RESF1: variants seen among roughly 807,000 people sequenced by gnomAD.
RESF1 encodes retroelement silencing factor 1.
A neutral mutation model predicts 134.7 loss-of-function variants in RESF1; 65 were observed. The ratio of observed to expected loss-of-function variants is 0.48; its 90% CI spans 0.40 to 0.59. The LOEUF (loss-of-function observed/expected upper bound fraction) is 0.59. Ranked by LOEUF, RESF1 falls within the 20% of genes least tolerant of loss-of-function variation. The pLI is 0.00. For missense variants in RESF1, 2,274 were observed against 2,002.7 expected (o/e 1.14, Z -2.59); for synonymous variants, 762 against 702.2 (o/e 1.09, Z -1.35).
At chr12:31,978,579 C>T (rs932309486) in intron 3 of RESF1, among the ~76,000 whole-genome samples, 1 of 151,784 alleles carries the variant, frequency 6.6e-6, no homozygotes, top group Non-Finnish European at 1.5e-5. Flanking sequence ...CGGGCTCTCG[C>T]TCTGTCGCCA....
chr12:31,989,734 A>ACC (rs1940056849), intron 5 of RESF1, among the ~76,000 whole-genome samples: 1 of 152,038 alleles, frequency 6.6e-6, no homozygotes. Flanking sequence ...TGCCTGTAAT[A>ACC]CCAGCTATTC....
intron 3 of RESF1, among the ~76,000 whole-genome samples, chr12:31,974,636 C>T (rs2120809721): frequency 6.6e-6 from 1 of 152,202 alleles, no homozygotes. Flanking sequence ...TCCTTAAAGG[C>T]CCTATCTCCA....
At chr12:31,979,582 G>T (rs1010376947) in intron 3 of RESF1, among the ~76,000 whole-genome samples, 3 of 152,106 alleles carry the variant, frequency 2.0e-5, no homozygotes, top group African/African-American at 7.2e-5. Context: ...CTGTCACCCA[G>T]GCTGGAGTGG....
At chr12:31,965,533 T>C (rs1353384132) in intron 2 of RESF1, among the ~76,000 whole-genome samples, 1 of 152,222 alleles carries the variant, frequency 6.6e-6, no homozygotes, top group Non-Finnish European at 1.5e-5. Flanking sequence ...GCTGCCTTGC[T>C]TGTGTGGTTT....
rs1939777944 is a variant in RESF1, at chr12:31,981,202, G to C, written c.247G>C (p.Val83Leu). ...ISVSDMHNGT[V>L]VASHTSVERI... is the part of the protein sequence containing the mutation. ...TGTTTCTGATATGCATAATGGGACA[G>C]TTGTGGCCTCACACACTTCAGTAGA... The change falls in exon 4 of 6, where the codon GTT (valine) becomes CTT (leucine). Residue 83 changes from valine to leucine, a missense_variant. Transcript: ENST00000312561. 3 of 1,613,976 alleles carry C rather than the reference G, an allele frequency of 1.9e-6. No individual in the cohort carries two copies. The Admixed American group carries it at 5.0e-5, about 27-fold the overall frequency.
At chr12:31,961,699 G>T (rs1939274014) in intron 2 of RESF1, among the ~76,000 whole-genome samples, 1 of 152,096 alleles carries the variant, frequency 6.6e-6, no homozygotes, top group Admixed American at 6.5e-5. Context: ...TGTAGGTCTT[G>T]TTTTGTTAGG....
intron 1 of RESF1, chr12:31,959,822 G>A (rs909572573): frequency 2.0e-5 from 3 of 152,178 alleles, no homozygotes; most frequent in South Asian, 2.1e-4. Flanking sequence ...CTCATTGCCT[G>A]GCTCTGCGCG....
intron 3 of RESF1, among the ~76,000 whole-genome samples, chr12:31,975,339 C>G (rs1939608757): frequency 6.6e-6 from 1 of 152,132 alleles, no homozygotes; most frequent in Admixed American, 6.5e-5. Context: ...AACCTCCCAT[C>G]TCCAAAACTC....
At position 31,983,869 on chromosome 12, in the gene RESF1, CAGTCAA is replaced by C; in HGVS notation, c.2920_2925del (p.Lys974_Ser975del). 6.2e-7 allele frequency: 1 copy of C among 1,613,530 alleles called. No homozygotes were observed. Among genetic ancestry groups the C allele is most frequent in the Non-Finnish European group, 8.5e-7 (1 of 1,180,000 alleles). On this transcript the variant is annotated inframe_deletion, in exon 4 of 6. Coordinates refer to ENST00000312561, the MANE Select transcript of RESF1 (RefSeq NM_018169.4). ...AGATGTTTCACATAAAATATGTGAT[CAGTCAA>C]AGTCAGAGCCACCCTTAGAGTCATC...
chr12:31,986,686 A>G (rs1939977925), intron 4 of RESF1, among the ~76,000 whole-genome samples: 1 of 152,246 alleles, frequency 6.6e-6, no homozygotes, highest in South Asian at 2.1e-4. Context: ...ACATTTAGAC[A>G]TAGTGGATAT....
chr12:31,984,669 A>C lies in RESF1; in HGVS notation c.3714A>C (p.Pro1238=), dbSNP rs762438223. The change falls in exon 4 of 6, where the codon CCA becomes CCC. Residue 1238 remains proline, a synonymous_variant. Transcript: ENST00000312561. ...VVQFKSLVNN[P]KTPPDGKSHF... Reference sequence around the variant, plus strand: ...AATTTAAGAGCCTTGTAAATAATCCAAAGACTCCTCCAGATGGGAAAAGTC... The same window carrying C: ...AATTTAAGAGCCTTGTAAATAATCCCAAGACTCCTCCAGATGGGAAAAGTC... 1.3e-6 allele frequency: 2 copies of C among 1,583,594 alleles called. No homozygotes were observed. Among genetic ancestry groups the C allele is most frequent in the Non-Finnish European group, 1.7e-6 (2 of 1,171,878 alleles).
intron 2 of RESF1, among the ~76,000 whole-genome samples, chr12:31,969,249 AC>A (rs1939459183): frequency 6.6e-6 from 1 of 152,118 alleles, no homozygotes; most frequent in Non-Finnish European, 1.5e-5. Flanking sequence ...GCCAGTGGTA[AC>A]CCCTGTGTAT....
chr12:31,978,011 T>G (rs910336280), intron 3 of RESF1, among the ~76,000 whole-genome samples: 2 of 151,734 alleles, frequency 1.3e-5, no homozygotes, highest in African/African-American at 4.8e-5. Flanking sequence ...CACCATGTTG[T>G]TCAGGCTGGT....
In RESF1 at chr12:31,982,187, C is replaced by T. The variant is rs779845140; in HGVS notation, c.1232C>T (p.Ala411Val). The change falls in exon 4 of 6, where the codon GCA becomes GTA. Residue 411 changes from alanine to valine, a missense_variant. Transcript: ENST00000312561. ...ATAAAACAGAAGTTTTCAGAACTTGCAAGGAAAATTAAAATCAATAAAGAT... is the reference window on the plus strand; with the variant it reads ...ATAAAACAGAAGTTTTCAGAACTTGTAAGGAAAATTAAAATCAATAAAGAT... The part of the protein sequence containing the change: ...VEIKQKFSEL[A>V]RKIKINKDLL... 1.9e-6 allele frequency: 3 copies of T among 1,611,082 alleles called. No individual in the cohort carries two copies. The highest frequency in any genetic ancestry group is 2.5e-6 in the Non-Finnish European group (3 of 1,179,294).
intron 3 of RESF1, among the ~76,000 whole-genome samples, chr12:31,973,689 A>AC (rs111953859): frequency 9.9e-5 from 15 of 151,254 alleles, no homozygotes; most frequent in African/African-American, 1.7e-4. Flanking sequence ...AAAAAAAAAA[A>AC]CCAAATTAAC....
At chr12:31,977,043 T>G (rs1163527845) in intron 3 of RESF1, among the ~76,000 whole-genome samples, 1 of 152,228 alleles carries the variant, frequency 6.6e-6, no homozygotes, top group South Asian at 2.1e-4. Flanking sequence ...AGAGTGACTT[T>G]ACTTTTTCAC....
Position 31,983,012 on chromosome 12 carries a change from A to G in RESF1, c.2057A>G (p.Asp686Gly). ...TCCCTGTGGAAAAAGCAACCTTCAG[A>G]TACTGCAAAAGAAAAGGAGTGTGAT... is the stretch of plus-strand genomic sequence containing the variant. ...CLSLWKKQPS[D>G]TAKEKECDKL... Residue 686 changes from aspartate to glycine, a missense_variant, in exon 4 of 6, where the codon GAT becomes GGT. Asp to Gly is a moderately conservative substitution (Grantham distance 94). Transcript: ENST00000312561. 1.2e-6 allele frequency: 2 copies of G among 1,614,122 alleles called. No homozygotes were observed. The highest frequency in any genetic ancestry group is 1.1e-5 in the South Asian group (1 of 91,080).
intron 2 of RESF1, 27 bp from the exon 3 acceptor site, chr12:31,970,162 C>T (rs1237208666): frequency 6.6e-6 from 1 of 152,154 alleles, no homozygotes; most frequent in African/African-American, 2.4e-5. Context: ...AGTCCACATC[C>T]ATAATTATCT....
In RESF1 at chr12:31,981,866, A is replaced by G; in HGVS notation, c.911A>G (p.Glu304Gly). 1 of 1,614,138 alleles carries G rather than the reference A, an allele frequency of 6.2e-7. No homozygotes were observed. Among genetic ancestry groups the G allele is most frequent in the Non-Finnish European group, 8.5e-7 (1 of 1,180,020 alleles). ...CATATTACTAAACACTTGTCTATGGAAGTTCCTCAGAGTCGAGAAATGCTG... is the reference window on the plus strand; with the variant it reads ...CATATTACTAAACACTTGTCTATGGGAGTTCCTCAGAGTCGAGAAATGCTG... Reference protein sequence around the residue: ...TQHITKHLSMEVPQSREMLSS... With the variant: ...TQHITKHLSMGVPQSREMLSS... The change falls in exon 4 of 6, where the codon GAA becomes GGA. Residue 304 changes from glutamate to glycine, a missense_variant. By Grantham distance (98) the Glu-to-Gly change is moderately conservative (BLOSUM62 -2). Coordinates refer to ENST00000312561, the MANE Select transcript of RESF1 (RefSeq NM_018169.4).
Sources: gnomAD v4.1 joint callset for allele counts (sites outside exome capture counted in the v4.1 genomes callset) on GRCh38, gnomAD v4.1.1 for gene constraint, MANE v1.5 for transcripts, NCBI Gene and HGNC (gene_info 2026-07-23, HGNC 2026-07-21) for gene names.